CSKMT: variants seen among roughly 807,000 people sequenced by gnomAD.
CSKMT encodes citrate synthase lysine methyltransferase.
In CSKMT, 6 loss-of-function variants were observed where a neutral mutation model predicts 4.6. The observed-to-expected ratio is 1.31, with a 90% CI of 0.72 to 2.59. The LOEUF is 2.59. Among genes scored for constraint, CSKMT ranks in the 30% most tolerant of loss-of-function variants. The probability of loss-of-function intolerance (pLI) is 0.00; values close to 1 mark genes in which losing one functional copy is unlikely to be tolerated. For synonymous variants in CSKMT, 142 were observed against 128.9 expected (o/e 1.10, Z -0.69); for missense variants, 328 against 298.0 (o/e 1.10, Z -0.74).
In CSKMT at chr11:62,665,347, A is replaced by G. The variant is rs528810249; in HGVS notation, c.-234+15A>G. 7 of 808,544 alleles carry G rather than the reference A, an allele frequency of 8.7e-6. No individual in the cohort carries two copies. Among genetic ancestry groups the G allele is most frequent in the East Asian group, 2.6e-5 (1 of 38,254 alleles). 50.1% of individuals were successfully genotyped at this position (808,544 alleles called of 1,614,324 possible). On this transcript the variant is annotated intron_variant, in intron 1 of 2. Transcript: ENST00000532971. ...GTGGTGAGCTAGTAAGTGTGGTTTT[A>G]GCTGTAGTAGCCAGATTGGGCGGCC...
In CSKMT at chr11:62,666,803, C is replaced by T; in HGVS notation, c.475C>T (p.Leu159=). 6.2e-7 allele frequency: 1 copy of T among 1,614,166 alleles called. No individual in the cohort carries two copies. The change falls in exon 3 of 3, where the codon CTA becomes TTA. Residue 159 remains leucine (L), a synonymous_variant. Coordinates refer to ENST00000532971, the MANE Select transcript of CSKMT (RefSeq NM_001043229.2). The part of the protein sequence containing the change: ...GAVASSGSFQ[L]LLDKGTWDAV... The stretch of plus-strand genomic sequence containing the variant: ...TGTGGCTTCTTCAGGCTCTTTCCAA[C>T]TACTGCTGGACAAAGGCACATGGGA...
At chr11:62,665,572 G>A (rs770433233) in intron 1 of CSKMT, 75 bp from the exon 2 acceptor site, 1 of 1,568,844 alleles carries the variant, frequency 6.4e-7, no homozygotes, top group African/African-American at 1.3e-5. Flanking sequence ...GGGACACCGG[G>A]AATCTCGGAG....
At position 62,668,095 on chromosome 11, in the gene CSKMT, C is replaced by T; in HGVS notation, c.*1044C>T. On this transcript the variant is annotated 3_prime_UTR_variant, in exon 3 of 3. Transcript: ENST00000532971. Reference sequence around the variant, plus strand: ...TTATAAAAAAATAGAGCAATTATATCACTAAGAGCCTAACCTCGCAGCCTC... The same window carrying T: ...TTATAAAAAAATAGAGCAATTATATTACTAAGAGCCTAACCTCGCAGCCTC... The T allele has an allele frequency of 4.7e-6, 1 of 211,688 alleles. No individual in the cohort carries two copies. The highest frequency in any genetic ancestry group is 1.0e-4 in the East Asian group (1 of 9,622). The allele number at this position is 211,688 out of a possible 1,614,324, so 13.1% of individuals were successfully genotyped here. A position where few individuals can be genotyped will look rare whatever the true frequency, so the allele number is the denominator to read the frequency against.
chr11:62,666,664 T>C lies in CSKMT; in HGVS notation c.336T>C (p.Ala112=), dbSNP rs777929810. The C allele has an allele frequency of 3.1e-6, 5 of 1,614,152 alleles. No individual in the cohort carries two copies. The highest frequency in any genetic ancestry group is 4.2e-6 in the Non-Finnish European group (5 of 1,180,022). Residue 112 remains alanine, a synonymous_variant, in exon 3 of 3, where the codon GCT becomes GCC. Transcript: ENST00000532971. ...TGGGGGTGGACTTTTCTCCTGTGGC[T>C]GTGGCCCACATGAATAGCCTCCTGG... ...DVLGVDFSPV[A]VAHMNSLLEG...
chr11:62,666,282 C>T (rs1170677174), intron 2 of CSKMT, 114 bp from the exon 3 acceptor site: 2 of 1,101,248 alleles, frequency 1.8e-6, no homozygotes, highest in South Asian at 1.3e-5. Flanking sequence ...TGTACTCAAC[C>T]CTGGGTCACA....
At chr11:62,665,456 C>T in intron 1 of CSKMT, 124 bp downstream of exon 1, 1 of 1,567,356 alleles carries the variant, frequency 6.4e-7, no homozygotes, top group Non-Finnish European at 8.6e-7. Context: ...GCTTGTGGTG[C>T]CGCTCCCCGT....
intron 2 of CSKMT, 125 bp downstream of exon 2, chr11:62,666,071 T>C (rs1590848613): frequency 8.8e-7 from 1 of 1,130,192 alleles, no homozygotes; most frequent in South Asian, 1.4e-5. Flanking sequence ...CGGTGGGCCG[T>C]GCGTGGTGGC....
In CSKMT at chr11:62,667,385, C is replaced by T; in HGVS notation, c.*334C>T. 1 of 868,456 alleles carries T rather than the reference C, an allele frequency of 1.2e-6. No individual in the cohort carries two copies. Among genetic ancestry groups the T allele is most frequent in the Non-Finnish European group, 1.8e-6 (1 of 544,022 alleles). The allele number at this position is 868,456 out of a possible 1,614,324, so 53.8% of individuals were successfully genotyped here. On this transcript the variant is annotated 3_prime_UTR_variant, in exon 3 of 3. Transcript: ENST00000532971. The stretch of plus-strand genomic sequence containing the variant: ...CAGGAACTGAATCAAAACCCCTGCG[C>T]TGACTGACTTGTATAATCTAGTGGC...
At position 62,666,891 on chromosome 11, in the gene CSKMT, T is replaced by G. The variant is rs772068727; in HGVS notation, c.563T>G (p.Leu188Arg). The G allele has an allele frequency of 2.1e-5, 34 of 1,614,068 alleles. No homozygotes were observed. Among genetic ancestry groups the G allele is most frequent in the Non-Finnish European group, 2.8e-5 (33 of 1,180,030 alleles). The part of the protein sequence containing the change: ...YQLLSECLRV[L>R]NPQGTLIQFS... ...CTTCTATCAGAATGCTTGAGGGTTC[T>G]AAACCCTCAGGGGACCCTGATTCAG... The change falls in exon 3 of 3, where the codon CTA becomes CGA. Residue 188 changes from leucine to arginine, a missense_variant. Coordinates refer to ENST00000532971, the MANE Select transcript of CSKMT (RefSeq NM_001043229.2).
chr11:62,666,034 C>A, intron 2 of CSKMT, 88 bp downstream of exon 2: 1 of 1,405,982 alleles, frequency 7.1e-7, no homozygotes, highest in South Asian at 1.2e-5. Flanking sequence ...GGAGTGTAGT[C>A]CCTGAAATTG....
In CSKMT at chr11:62,667,652, A is replaced by G. The variant is rs1944855968; in HGVS notation, c.*601A>G. On this transcript the variant is annotated 3_prime_UTR_variant, in exon 3 of 3. Coordinates refer to ENST00000532971, the MANE Select transcript of CSKMT (RefSeq NM_001043229.2). ...AGACATGCTGTGTCCTCAAGAATCCAACAAGCATCTTCTTCATCCTGGTCC... is the reference window on the plus strand; with the variant it reads ...AGACATGCTGTGTCCTCAAGAATCCGACAAGCATCTTCTTCATCCTGGTCC... The G allele has an allele frequency of 6.2e-7, 1 of 1,614,082 alleles. No homozygotes were observed. The highest frequency in any genetic ancestry group is 1.3e-5 in the African/African-American group (1 of 74,930).
Position 62,665,821 on chromosome 11 carries a change from C to T in CSKMT, c.-59C>T. On this transcript the variant is annotated 5_prime_UTR_variant, in exon 2 of 3. Coordinates refer to ENST00000532971, the MANE Select transcript of CSKMT (RefSeq NM_001043229.2). ...TCCCCTGGACCTCAGGCCTCTCCGG[C>T]TGGAGTAGGGTGGACGCTTCACATA... The T allele has an allele frequency of 6.3e-7, 1 of 1,588,448 alleles. No individual in the cohort carries two copies. Among genetic ancestry groups the T allele is most frequent in the South Asian group, 1.1e-5 (1 of 89,872 alleles).
rs1371141892 is a variant in CSKMT, at chr11:62,667,379, C to G, written c.*328C>G. The G allele has an allele frequency of 1.2e-6, 1 of 824,904 alleles. No individual in the cohort carries two copies. The highest frequency in any genetic ancestry group is 2.0e-6 in the Non-Finnish European group (1 of 508,480). 51.1% of individuals were successfully genotyped at this position (824,904 alleles called of 1,614,324 possible). ...AGCAGACAGGAACTGAATCAAAACCCCTGCGCTGACTGACTTGTATAATCT... is the reference window on the plus strand; with the variant it reads ...AGCAGACAGGAACTGAATCAAAACCGCTGCGCTGACTGACTTGTATAATCT... On this transcript the variant is annotated 3_prime_UTR_variant, in exon 3 of 3. Coordinates refer to ENST00000532971, the MANE Select transcript of CSKMT (RefSeq NM_001043229.2).
Position 62,667,046 on chromosome 11 carries a change from C to A in CSKMT, c.718C>A (p.His240Asn), listed in dbSNP as rs1219153677. 2.5e-6 allele frequency: 4 copies of A among 1,593,758 alleles called. No individual in the cohort carries two copies. The Middle Eastern group carries it at 5.1e-4, about 202-fold the overall frequency. The change falls in exon 3 of 3, where the codon CAT becomes AAT. Residue 240 changes from histidine (H) to asparagine (N), a missense_variant. Physicochemically the swap from His to Asn is moderately conservative, Grantham distance 68. Transcript: ENST00000532971. The stretch of plus-strand genomic sequence containing the variant: ...CTTTGCTTACTTGATTCAAGGCTCT[C>A]ATTAAAGACATTTTAGTAGTCCTGA... ...TYFAYLIQGS[H>N]
At chr11:62,666,131 TG>T in intron 2 of CSKMT, 185 bp downstream of exon 2, 1 of 796,162 alleles carries the variant, frequency 1.3e-6, no homozygotes. Context: ...GCAGATCGCT[TG>T]GCCCAGGAGT....
At chr11:62,665,503 T>C (rs1161862081) in intron 1 of CSKMT, 144 bp from the exon 2 acceptor site, 2 of 1,572,932 alleles carry the variant, frequency 1.3e-6, no homozygotes, top group Non-Finnish European at 1.7e-6. Flanking sequence ...TCTGGCCCCC[T>C]CGGCGTCATG....
Position 62,666,632 on chromosome 11 carries a change from G to T in CSKMT, c.304G>T (p.Asp102Tyr), listed in dbSNP as rs772858211. 2 of 1,614,194 alleles carry T rather than the reference G, an allele frequency of 1.2e-6. No homozygotes were observed. The highest frequency in any genetic ancestry group is 1.7e-6 in the Non-Finnish European group (2 of 1,180,044). Residue 102 changes from aspartate (D) to tyrosine (Y), a missense_variant, in exon 3 of 3, where the codon GAT becomes TAT. Transcript: ENST00000532971. Reference protein sequence around the residue: ...GLYTKSPHPVDVLGVDFSPVA... With the variant: ...GLYTKSPHPVYVLGVDFSPVA... Reference sequence around the variant, plus strand: ...CTACACCAAATCTCCACACCCAGTGGATGTGCTGGGGGTGGACTTTTCTCC... The same window carrying T: ...CTACACCAAATCTCCACACCCAGTGTATGTGCTGGGGGTGGACTTTTCTCC...
chr11:62,665,614 T>C (rs1944785441), intron 1 of CSKMT, 33 bp from the exon 2 acceptor site: 2 of 1,553,722 alleles, frequency 1.3e-6, no homozygotes, highest in Non-Finnish European at 1.7e-6. Context: ...GGCTCCTCCA[T>C]CGGGGTGCTC....
In CSKMT at chr11:62,667,698, G is replaced by T; in HGVS notation, c.*647G>T. On this transcript the variant is annotated 3_prime_UTR_variant, in exon 3 of 3. Transcript: ENST00000532971. The stretch of plus-strand genomic sequence containing the variant: ...GGTCCTGCCCCCAGCTGAGTCCAGC[G>T]TTAAATGTTCTTAAAGGACTTCTAG... 1 of 1,614,096 alleles carries T rather than the reference G, an allele frequency of 6.2e-7. No homozygotes were observed. Among genetic ancestry groups the T allele is most frequent in the Non-Finnish European group, 8.5e-7 (1 of 1,179,990 alleles).
Sources: gnomAD v4.1 joint callset for allele counts on GRCh38, gnomAD v4.1.1 for gene constraint, MANE v1.5 for transcripts, NCBI Gene and HGNC (gene_info 2026-07-23, HGNC 2026-07-21) for gene names.